CENATAC: variants seen among roughly 807,000 people sequenced by gnomAD.
CENATAC encodes coiled-coil domain containing 84.
A neutral mutation model predicts 53.7 loss-of-function variants in CENATAC; 53 were observed. That is an observed-to-expected ratio of 0.99 (90% CI 0.79 to 1.24). The LOEUF is 1.24. Among genes scored for constraint, CENATAC ranks in the 50% most tolerant of loss-of-function variants. CENATAC has a pLI of 0.00. For synonymous variants in CENATAC, 156 were observed against 144.6 expected, an observed-to-expected ratio of 1.08 and a Z score of -0.57; for missense variants, 474 against 417.8, an observed-to-expected ratio of 1.13 and a Z score of -1.17.
chr11:119,015,490 T>G, intron 10 of CENATAC, 48 bp from the exon 11 acceptor site: 1 of 1,614,060 alleles, frequency 6.2e-7, no homozygotes, highest in Non-Finnish European at 8.5e-7. Context: ...ACCTCCTTTT[T>G]GGAGATGTCA....
intron 7 of CENATAC, chr11:119,012,692 CAG>C (rs1431220141): frequency 5.9e-6 from 1 of 170,498 alleles, no homozygotes; most frequent in East Asian, 1.6e-4. Flanking sequence ...GCCTCACAAA[CAG>C]AAAATCATTG....
chr11:119,011,162 C>T lies in CENATAC; in HGVS notation c.451-59C>T, dbSNP rs145697932. On this transcript the variant is annotated intron_variant, in intron 4 of 10. Coordinates refer to ENST00000334418, the MANE Select transcript of CENATAC (RefSeq NM_198489.3). The stretch of plus-strand genomic sequence containing the variant: ...TGGAGGGCCCAAGTTAAAGGAAAGG[C>T]CTCTGAAGAAACTGGCCCCCATGAT... 1.5e-5 allele frequency: 22 copies of T among 1,462,022 alleles called. No individual in the cohort carries two copies. In the African/African-American group the frequency reaches 2.1e-4, roughly 14 times the overall value. 90.6% of individuals were successfully genotyped at this position (1,462,022 alleles called of 1,614,324 possible).
intron 7 of CENATAC, chr11:119,012,557 T>C (rs73559131): frequency 0.011 from 3,074 of 268,472 alleles, 92 homozygotes; most frequent in African/African-American, 0.059. Flanking sequence ...ACCACTCCTA[T>C]ATTTCCAATC....
chr11:118,998,740 G>A, intron 2 of CENATAC, 147 bp downstream of exon 2: 2 of 1,162,890 alleles, frequency 1.7e-6, no homozygotes, highest in Non-Finnish European at 2.4e-6. Flanking sequence ...GCCTTGTTAG[G>A]GTAGGGGTCA....
chr11:119,013,155 T>C (rs1480024984), intron 7 of CENATAC, 77 bp from the exon 8 acceptor site: 1 of 1,094,924 alleles, frequency 9.1e-7, no homozygotes, highest in Admixed American at 2.2e-5. Context: ...GTGTGCTTTG[T>C]CTATCGTTTC....
chr11:118,998,400 T>C, intron 1 of CENATAC, 30 bp from the exon 2 acceptor site: 1 of 1,612,490 alleles, frequency 6.2e-7, no homozygotes, highest in Non-Finnish European at 8.5e-7. Flanking sequence ...GGGGTCCCCC[T>C]CGGGGTTCTA....
At position 119,015,685 on chromosome 11, in the gene CENATAC, T is replaced by G. The variant is rs1277040085; in HGVS notation, c.*87T>G. 5.6e-6 allele frequency: 8 copies of G among 1,431,792 alleles called. No individual in the cohort carries two copies. The highest frequency in any genetic ancestry group is 1.2e-5 in the South Asian group (1 of 85,074). 88.7% of individuals were successfully genotyped at this position (1,431,792 alleles called of 1,614,324 possible). On this transcript the variant is annotated 3_prime_UTR_variant, in exon 11 of 11. Transcript: ENST00000334418. Reference sequence around the variant, plus strand: ...TCCACCAAATTCTTTATCATTGTCTTTCTTAGGAAACAGACATACTCATTC... The same window carrying G: ...TCCACCAAATTCTTTATCATTGTCTGTCTTAGGAAACAGACATACTCATTC...
intron 8 of CENATAC, chr11:119,014,113 G>C (rs1043072300): frequency 6.6e-6 from 1 of 152,200 alleles, no homozygotes; most frequent in Admixed American, 6.5e-5. Flanking sequence ...CCCCTAACTA[G>C]AGAAAAGAAA....
intron 3 of CENATAC, among the ~76,000 whole-genome samples, chr11:119,000,528 G>C (rs1375754465): frequency 2.7e-5 from 4 of 149,712 alleles, no homozygotes; most frequent in Non-Finnish European, 5.9e-5. Flanking sequence ...GTCCAGGCAT[G>C]GTGGCTCATG....
chr11:119,011,575 C>T (rs1289743532), intron 5 of CENATAC, among the ~76,000 whole-genome samples: 2 of 152,120 alleles, frequency 1.3e-5, no homozygotes, highest in African/African-American at 2.4e-5. Context: ...GGTGGTGTTT[C>T]ACCATGTTGG....
At chr11:119,013,064 A>C (rs1942949227) in intron 7 of CENATAC, 168 bp from the exon 8 acceptor site, 1 of 575,018 alleles carries the variant, frequency 1.7e-6, no homozygotes, top group Non-Finnish European at 3.1e-6. Flanking sequence ...TCTTAGAGTG[A>C]CTTACTGTGC....
At chr11:119,012,309 C>T (rs539741249) in intron 7 of CENATAC, 55 bp downstream of exon 7, 1 of 1,585,876 alleles carries the variant, frequency 6.3e-7, no homozygotes, top group Admixed American at 1.8e-5. Flanking sequence ...GTCTCAGGAC[C>T]CCTTTCTCCT....
At chr11:119,006,787 A>AC (rs1459121884) in intron 3 of CENATAC, among the ~76,000 whole-genome samples, 2 of 152,210 alleles carry the variant, frequency 1.3e-5, no homozygotes, top group African/African-American at 4.8e-5. Context: ...TGTGGGAGGG[A>AC]CCCAGTGGGA....
chr11:119,001,675 G>A (rs2134524385), intron 3 of CENATAC: 1 of 456,040 alleles, frequency 2.2e-6, no homozygotes, highest in East Asian at 7.0e-5. Flanking sequence ...ATTTTCAAGT[G>A]AACTCGTGCA....
chr11:119,015,122 C>T, intron 9 of CENATAC, 39 bp downstream of exon 9: 1 of 1,547,578 alleles, frequency 6.5e-7, no homozygotes, highest in Non-Finnish European at 8.9e-7. Flanking sequence ...TCTAAATCTT[C>T]ACACTCAAAA....
chr11:119,001,169 C>T (rs888197810), intron 3 of CENATAC, among the ~76,000 whole-genome samples: 1 of 152,072 alleles, frequency 6.6e-6, no homozygotes, highest in Admixed American at 6.6e-5. Flanking sequence ...ATGCAATTTA[C>T]TGGTGAGACA....
In CENATAC at chr11:119,012,212, CTGGA is replaced by C. The variant is rs1461409108; in HGVS notation, c.647_650del (p.Met216ArgfsTer6). 1 of 1,614,144 alleles carries C rather than the reference CTGGA, an allele frequency of 6.2e-7. No individual in the cohort carries two copies. Among genetic ancestry groups the C allele is most frequent in the South Asian group, 1.1e-5 (1 of 91,086 alleles). On this transcript the variant is annotated frameshift_variant, in exon 7 of 11. Coordinates refer to ENST00000334418, the MANE Select transcript of CENATAC (RefSeq NM_198489.3). LOFTEE classifies it high-confidence loss of function. ...ACCTGCCACCAGCTCCAGAGCTTGA[CTGGA>C]TGGAGACAGGACCATCTCTGACATT... is the stretch of plus-strand genomic sequence containing the variant.
Position 119,015,706 on chromosome 11 carries a change from C to T in CENATAC, c.*108C>T, listed in dbSNP as rs977580439. 3.5e-5 allele frequency: 46 copies of T among 1,302,404 alleles called. No homozygotes were observed. The highest frequency in any genetic ancestry group is 7.9e-5 in the Admixed American group (4 of 50,864). The allele number at this position is 1,302,404 out of a possible 1,614,324, so 80.7% of individuals were successfully genotyped here. ...GTCTTTCTTAGGAAACAGACATACT[C>T]ATTCATTTGATTTAATAAAGTTTTA... is the stretch of plus-strand genomic sequence containing the variant. On this transcript the variant is annotated 3_prime_UTR_variant, in exon 11 of 11. Coordinates refer to ENST00000334418, the MANE Select transcript of CENATAC (RefSeq NM_198489.3).
chr11:119,012,369 T>C, intron 7 of CENATAC, 115 bp downstream of exon 7: 1 of 1,157,052 alleles, frequency 8.6e-7, no homozygotes. Flanking sequence ...GGCTTTTCCT[T>C]CTTCCTTCAC....
Sources: gnomAD v4.1 joint callset for allele counts (sites outside exome capture counted in the v4.1 genomes callset) on GRCh38, gnomAD v4.1.1 for gene constraint, MANE v1.5 for transcripts, NCBI Gene and HGNC (gene_info 2026-07-23, HGNC 2026-07-21) for gene names.